The following ERMP1 variants were observed in gnomAD, a reference collection of about 807,000 sequenced individuals.
ERMP1 encodes the protein endoplasmic reticulum metallopeptidase 1, also known as Felix-ina.
ERMP1 carries 86 observed loss-of-function variants against 92.0 expected under a neutral mutation model. The ratio of observed to expected loss-of-function variants is 0.93; its 90% CI spans 0.79 to 1.12. The LOEUF is 1.12. Ranked by LOEUF, ERMP1 falls within the 50% of genes most tolerant of loss-of-function variation. The pLI, the probability that ERMP1 is intolerant of heterozygous loss-of-function variation, is 0.00. For missense variants in ERMP1, 1,342 were observed against 1,116.3 expected (o/e 1.20, Z -2.88); for synonymous variants, 530 against 412.8 (o/e 1.28, Z -3.44).
chr9:5,864,338 T>C (rs933023736), intron 5 of ERMP1, among the ~76,000 whole-genome samples: 1 of 152,070 alleles, frequency 6.6e-6, no homozygotes, highest in African/African-American at 2.4e-5. Flanking sequence ...TGGAGAAACA[T>C]CATTAAGCAG....
chr9:5,803,576 T>C (rs1161058244), intron 10 of ERMP1, among the ~76,000 whole-genome samples: 1 of 152,168 alleles, frequency 6.6e-6, no homozygotes. Flanking sequence ...ATGACTATAA[T>C]TTAACAAATA....
chr9:5,802,616 C>T (rs1396330115), intron 10 of ERMP1, among the ~76,000 whole-genome samples: 1 of 152,150 alleles, frequency 6.6e-6, no homozygotes, highest in Non-Finnish European at 1.5e-5. Flanking sequence ...GAACTGCTGA[C>T]CTTAAGTCAT....
At chr9:5,866,979 A>G (rs892591786) in intron 5 of ERMP1, among the ~76,000 whole-genome samples, 1 of 152,174 alleles carries the variant, frequency 6.6e-6, no homozygotes, top group Non-Finnish European at 1.5e-5. Flanking sequence ...GCTGAGGCAG[A>G]AGGATTGCTT....
Position 5,811,153 on chromosome 9 carries a change from C to G in ERMP1, c.1285G>C (p.Val429Leu). 1 of 1,613,886 alleles carries G rather than the reference C, an allele frequency of 6.2e-7. No homozygotes were observed. The highest frequency in any genetic ancestry group is 8.5e-7 in the Non-Finnish European group (1 of 1,179,924). Residue 429 changes from valine to leucine, a missense_variant, in exon 7 of 15, where the codon GTT becomes CTT. Coordinates refer to ENST00000339450, the MANE Select transcript of ERMP1 (RefSeq NM_024896.3). ...IINYMVVMGVVLYLGKKFLQP... is the reference protein window; with the variant it reads ...IINYMVVMGVLLYLGKKFLQP... Reference sequence around the variant, plus strand: ...AAAAATTTTTTGCCCAGGTACAAAACAACACCCATTACCACCATGTAGTTT... The same window carrying G: ...AAAAATTTTTTGCCCAGGTACAAAAGAACACCCATTACCACCATGTAGTTT...
chr9:5,816,552 T>C (rs1829313061), intron 4 of ERMP1, among the ~76,000 whole-genome samples: 1 of 152,210 alleles, frequency 6.6e-6, no homozygotes, highest in South Asian at 2.1e-4. Flanking sequence ...CTAAAGTTGG[T>C]ATTACCTACC....
chr9:5,824,026 A>G (rs773525973), intron 3 of ERMP1, 25 bp from the exon 4 acceptor site: 70 of 1,555,812 alleles, frequency 4.5e-5, no homozygotes, highest in Non-Finnish European at 6.0e-5. Context: ...AAGAAAACAA[A>G]TATTTGTTAA....
chr9:5,849,147 C>G (rs767864658), intron 6 of ERMP1, among the ~76,000 whole-genome samples: 1 of 152,158 alleles, frequency 6.6e-6, no homozygotes, highest in South Asian at 2.1e-4. Flanking sequence ...CTGGGCTTCC[C>G]GAGTAGCTGG....
chr9:5,789,898 G>T, intron 13 of ERMP1, among the ~76,000 whole-genome samples: 1 of 148,522 alleles, frequency 6.7e-6, no homozygotes, highest in Non-Finnish European at 1.5e-5. Context: ...TGCCCAGGCT[G>T]GTCTCGAGCT....
chr9:5,811,348 A>C, intron 6 of ERMP1, 25 bp from the exon 7 acceptor site: 1 of 1,510,718 alleles, frequency 6.6e-7, no homozygotes, highest in African/African-American at 1.4e-5. Flanking sequence ...AAAAAAAAAA[A>C]GAAAGAAAAG....
chr9:5,789,075 C>T (rs572559207), intron 13 of ERMP1, among the ~76,000 whole-genome samples: 96 of 152,032 alleles, frequency 6.3e-4, no homozygotes, highest in South Asian at 1.2e-3. Context: ...CAGAAGAAAA[C>T]CAAACAACGA....
At position 5,812,986 on chromosome 9, in the gene ERMP1, G is replaced by GT; in HGVS notation, c.923dup (p.His308GlnfsTer22). On this transcript the variant is annotated frameshift_variant, in exon 5 of 15. Coordinates refer to ENST00000339450, the MANE Select transcript of ERMP1 (RefSeq NM_024896.3). LOFTEE classifies it high-confidence loss of function. ...CCTGAGCCACCACAGAAGCAAAAGG[G>GT]TGTTTAGCTGCTGAAACATAAGCTT... 1 of 1,613,882 alleles carries GT rather than the reference G, an allele frequency of 6.2e-7. No homozygotes were observed.
At chr9:5,861,717 GTTTTTT>G (rs34804675) in intron 5 of ERMP1, among the ~76,000 whole-genome samples, 3 of 66,226 alleles carry the variant, frequency 4.5e-5, no homozygotes, top group African/African-American at 5.8e-5. Context: ...GAGAGGAAGG[GTTTTTT>G]TTTTTTTTTT....
At chr9:5,797,677 G>C in intron 13 of ERMP1, 140 bp downstream of exon 13, 5 of 623,588 alleles carry the variant, frequency 8.0e-6, no homozygotes, top group Non-Finnish European at 5.6e-6. Context: ...GTCATAACCA[G>C]CTTCAATTGA....
chr9:5,846,063 G>A (rs1393101377), intron 6 of ERMP1, among the ~76,000 whole-genome samples: 1 of 152,176 alleles, frequency 6.6e-6, no homozygotes, highest in Non-Finnish European at 1.5e-5. Flanking sequence ...GTTGGGTGGG[G>A]TGGATTCTGC....
chr9:5,811,954 T>C (rs1829112753), intron 6 of ERMP1, among the ~76,000 whole-genome samples, 171 bp downstream of exon 6: 1 of 152,214 alleles, frequency 6.6e-6, no homozygotes, highest in South Asian at 2.1e-4. Context: ...ATTGCTACAC[T>C]AGACTACAAG....
intron 10 of ERMP1, among the ~76,000 whole-genome samples, chr9:5,802,840 A>G (rs984575311): frequency 2.6e-5 from 4 of 152,162 alleles, no homozygotes; most frequent in African/African-American, 9.7e-5. Flanking sequence ...CACACAATGG[A>G]CATTTCAGAG....
chr9:5,847,756 G>A (rs1295975323), intron 6 of ERMP1, among the ~76,000 whole-genome samples: 6 of 151,566 alleles, frequency 4.0e-5, no homozygotes, highest in Admixed American at 1.3e-4. Flanking sequence ...TTAGCCGGGC[G>A]TGGTGGCAGG....
Position 5,824,997 on chromosome 9 carries a change from TA to T in ERMP1, c.768+94del, listed in dbSNP as rs751144784. The T allele has an allele frequency of 4.9e-5, 63 of 1,292,854 alleles. No homozygotes were observed. In the East Asian group the frequency reaches 9.8e-4, roughly 20 times the overall value. 80.1% of individuals were successfully genotyped at this position (1,292,854 alleles called of 1,614,324 possible). A position where few individuals can be genotyped will look rare whatever the true frequency, so the allele number is the denominator to read the frequency against. On this transcript the variant is annotated intron_variant, in intron 3 of 14. Transcript: ENST00000339450. ...TATTTTATACTACCCACAGGAGTCATAAAAAATGCATTTACTATTTAGTAAA... is the reference window on the plus strand; with the variant it reads ...TATTTTATACTACCCACAGGAGTCATAAAAATGCATTTACTATTTAGTAAA...
chr9:5,795,976 C>T (rs1011998996), intron 13 of ERMP1, among the ~76,000 whole-genome samples: 1 of 151,992 alleles, frequency 6.6e-6, no homozygotes, highest in African/African-American at 2.4e-5. Flanking sequence ...TTAGCACCCC[C>T]AAAAATAACT....
Sources: allele counts gnomAD v4.1 joint callset (sites outside exome capture counted in the v4.1 genomes callset), GRCh38; gene constraint gnomAD v4.1.1; transcripts MANE v1.5; gene names NCBI Gene and HGNC (gene_info 2026-07-23, HGNC 2026-07-21).